The following C10orf90 variants were observed in gnomAD, a reference collection of about 807,000 sequenced individuals.
C10orf90 encodes the protein (E2-independent) E3 ubiquitin-conjugating enzyme FATS.
In C10orf90, 56 loss-of-function variants were observed where a neutral mutation model predicts 62.5. The observed-to-expected ratio is 0.90, with a 90% CI of 0.72 to 1.12. The LOEUF (loss-of-function observed/expected upper bound fraction) is 1.12. Among genes scored for constraint, C10orf90 ranks in the 50% most tolerant of loss-of-function variants. The pLI is 0.00. For missense variants in C10orf90, 970 were observed against 880.4 expected (o/e 1.10, Z -1.29); for synonymous variants, 386 against 340.4 (o/e 1.13, Z -1.47).
At chr10:126,475,540 T>C (rs575901162) in intron 4 of C10orf90, among the ~76,000 whole-genome samples, 21 of 152,348 alleles carry the variant, frequency 1.4e-4, no homozygotes, top group African/African-American at 5.0e-4. Context: ...TTTGGACAGC[T>C]GTTTCCTGGC....
chr10:126,659,189 A>G (rs886427535), intron 1 of C10orf90, among the ~76,000 whole-genome samples: 13 of 152,188 alleles, frequency 8.5e-5, no homozygotes, highest in Admixed American at 2.6e-4. Flanking sequence ...CCAGGACATC[A>G]CCACCAAACA....
chr10:126,459,998 T>C (rs1359518382), intron 6 of C10orf90, among the ~76,000 whole-genome samples: 1 of 152,198 alleles, frequency 6.6e-6, no homozygotes, highest in Non-Finnish European at 1.5e-5. Context: ...ATGCAAAAAC[T>C]GAGGCTCATG....
At chr10:126,562,736 C>T (rs1158253350) in intron 2 of C10orf90, among the ~76,000 whole-genome samples, 1 of 152,232 alleles carries the variant, frequency 6.6e-6, no homozygotes. Context: ...CTATAACCCA[C>T]CTGACAGTCA....
Position 126,453,533 on chromosome 10 carries a change from G to A in C10orf90, c.2188+5507C>T, listed in dbSNP as rs979399896. On this transcript the variant is annotated intron_variant, in intron 7 of 9. Coordinates refer to ENST00000488181, the MANE Select transcript of C10orf90 (RefSeq NM_001350921.2). This position sits in a 1 kb window ranked among gnomAD's most constrained non-coding sequence, Gnocchi z 4.9. Reference sequence around the variant, plus strand: ...GGTTTTCTACACATTCGAAGGTTAAGGGGACAAACTGAGAGAGCCATGGAA... The same window carrying A: ...GGTTTTCTACACATTCGAAGGTTAAAGGGACAAACTGAGAGAGCCATGGAA... Among the ~76,000 whole-genome samples, 4 of 152,144 alleles carry A rather than the reference G, an allele frequency of 2.6e-5. No individual in the cohort carries two copies. Among genetic ancestry groups the A allele is most frequent in the African/African-American group, 9.7e-5 (4 of 41,434 alleles).
chr10:126,543,341 A>G (rs1206758450), intron 2 of C10orf90, among the ~76,000 whole-genome samples: 3 of 152,152 alleles, frequency 2.0e-5, no homozygotes, highest in African/African-American at 7.2e-5. Context: ...TCCTGCCTCA[A>G]AAGGTTATCG....
intron 3 of C10orf90, among the ~76,000 whole-genome samples, chr10:126,506,915 G>A (rs1324512969): frequency 1.5e-5 from 2 of 137,642 alleles, no homozygotes; most frequent in Non-Finnish European, 3.0e-5. Context: ...GCTGCAGGAG[G>A]GCCAGTGTGT....
At chr10:126,560,277 T>C (rs2164586) in intron 2 of C10orf90, among the ~76,000 whole-genome samples, 57,037 of 152,056 alleles carry the variant, frequency 0.38, 11,149 homozygotes, top group Non-Finnish European at 0.42. Context: ...TCTTCATTTT[T>C]AATTTCAGCA....
intron 3 of C10orf90, among the ~76,000 whole-genome samples, chr10:126,512,326 CTA>C (rs1564846827): frequency 3.6e-5 from 5 of 139,638 alleles, no homozygotes; most frequent in South Asian, 2.3e-4. Flanking sequence ...TGTGTGTGTT[CTA>C]TGTGTGTGTA....
chr10:126,621,122 T>C (rs554617269), intron 2 of C10orf90, among the ~76,000 whole-genome samples: 204 of 152,374 alleles, frequency 1.3e-3, no homozygotes, highest in Non-Finnish European at 2.5e-4. Context: ...ATAATACTGC[T>C]ATGAACATCT....
chr10:126,440,740 C>T (rs531819239), intron 7 of C10orf90, among the ~76,000 whole-genome samples: 1 of 152,182 alleles, frequency 6.6e-6, no homozygotes, highest in Non-Finnish European at 1.5e-5. Flanking sequence ...CCCCCAGTAC[C>T]AGCCTGGAGC....
At chr10:126,561,323 GA>G (rs1864895253) in intron 2 of C10orf90, among the ~76,000 whole-genome samples, 1 of 152,264 alleles carries the variant, frequency 6.6e-6, no homozygotes, top group African/African-American at 2.4e-5. Context: ...GTATCATGAT[GA>G]AAATTCACCA....
chr10:126,642,487 G>A (rs751837233), intron 2 of C10orf90, among the ~76,000 whole-genome samples: 4 of 151,960 alleles, frequency 2.6e-5, no homozygotes, highest in African/African-American at 4.8e-5. Flanking sequence ...AGCCCAGATC[G>A]CGCCACTGCA....
chr10:126,665,324 A>G (rs1768298311), intron 1 of C10orf90, among the ~76,000 whole-genome samples: 1 of 152,078 alleles, frequency 6.6e-6, no homozygotes, highest in Non-Finnish European at 1.5e-5. Context: ...AAATAGGGAA[A>G]ATTGTTTTGC....
intron 4 of C10orf90, among the ~76,000 whole-genome samples, chr10:126,479,339 T>G (rs1440571647): frequency 6.6e-6 from 1 of 152,104 alleles, no homozygotes; most frequent in Non-Finnish European, 1.5e-5. Context: ...TGGGACAAGC[T>G]CTAGGGTCAC....
intron 2 of C10orf90, among the ~76,000 whole-genome samples, chr10:126,585,017 C>T (rs118124898): frequency 0.012 from 1,796 of 152,004 alleles, 19 homozygotes; most frequent in African/African-American, 0.014. Context: ...GGAGAGCTAC[C>T]GTGATATCAG....
intron 2 of C10orf90, among the ~76,000 whole-genome samples, chr10:126,577,359 G>T (rs1369716309): frequency 6.6e-6 from 1 of 151,258 alleles, no homozygotes; most frequent in Non-Finnish European, 1.5e-5. Flanking sequence ...AAAAGACCAG[G>T]ACACAAAATT....
intron 2 of C10orf90, among the ~76,000 whole-genome samples, chr10:126,616,456 CA>C (rs1485308767): frequency 2.0e-5 from 3 of 152,116 alleles, no homozygotes; most frequent in African/African-American, 7.2e-5. Context: ...TTCCAGAGAG[CA>C]TTGCTACCAA....
At chr10:126,428,750 A>T (rs11815629) in intron 8 of C10orf90, among the ~76,000 whole-genome samples, 2,686 of 152,260 alleles carry the variant, frequency 0.018, 97 homozygotes, top group African/African-American at 0.059. Context: ...CAGTAAATTG[A>T]AAAGGGAATG....
intron 4 of C10orf90, among the ~76,000 whole-genome samples, chr10:126,498,550 G>A (rs182231922): frequency 1.7e-4 from 26 of 152,244 alleles, no homozygotes; most frequent in Admixed American, 2.6e-4. Context: ...AGCGGAAAAC[G>A]CAGACTGAAT....
Sources: gnomAD v4.1 joint callset for allele counts (sites outside exome capture counted in the v4.1 genomes callset) on GRCh38, gnomAD v4.1.1 for gene constraint, Gnocchi (gnomAD v3.1) non-coding constraint, MANE v1.5 for transcripts, NCBI Gene and HGNC (gene_info 2026-07-23, HGNC 2026-07-21) for gene names.